WNT7A: variants seen among roughly 807,000 people sequenced by gnomAD.
WNT7A encodes the protein Wnt family member 7A.
A neutral mutation model predicts 28.2 loss-of-function variants in WNT7A; 16 were observed. The observed-to-expected ratio is 0.57, with a 90% CI of 0.38 to 0.86. The LOEUF (loss-of-function observed/expected upper bound fraction) is 0.86. Among genes scored for constraint, WNT7A ranks in the 40% least tolerant of loss-of-function variants. WNT7A has a pLI of 0.00. For synonymous variants in WNT7A, 190 were observed against 195.9 expected, an observed-to-expected ratio of 0.97 and a Z score of 0.25; for missense variants, 411 against 489.7, an observed-to-expected ratio of 0.84 and a Z score of 1.52.
At chr3:13,848,480 A>G (rs952322593) in intron 3 of WNT7A, among the ~76,000 whole-genome samples, 2 of 152,246 alleles carry the variant, frequency 1.3e-5, no homozygotes, top group African/African-American at 2.4e-5. Context: ...ATGAAAATAT[A>G]TTCAACATCA....
chr3:13,844,453 GGAGGCCCT>G (rs1268530581), intron 3 of WNT7A, among the ~76,000 whole-genome samples: 3 of 152,200 alleles, frequency 2.0e-5, no homozygotes, highest in African/African-American at 7.2e-5. Context: ...CATGGCCTGG[GGAGGCCCT>G]GAGACCCTGA....
intron 2 of WNT7A, among the ~76,000 whole-genome samples, chr3:13,868,786 AAGG>A (rs1694970823): frequency 6.0e-5 from 1 of 16,772 alleles, no homozygotes; most frequent in Non-Finnish European, 1.4e-4. Flanking sequence ...GGGAGGAAGG[AAGG>A]AAGGGAGAGA....
rs1023083409 is a variant in WNT7A, at chr3:13,875,389, A to G, written c.72-216T>C. ...CAATGCGTATACCCAATATCAGTGAAACATACACACACTTGATTTTTGTTT... is the reference window on the plus strand; with the variant it reads ...CAATGCGTATACCCAATATCAGTGAGACATACACACACTTGATTTTTGTTT... On this transcript the variant is annotated intron_variant, in intron 1 of 3. Transcript: ENST00000285018. Among the ~76,000 whole-genome samples, 8 of 152,230 alleles carry G rather than the reference A, an allele frequency of 5.3e-5. No individual in the cohort carries two copies. In the East Asian group the frequency reaches 1.5e-3, roughly 29 times the overall value.
At chr3:13,834,464 C>T (rs1694334249) in intron 3 of WNT7A, among the ~76,000 whole-genome samples, 4 of 151,916 alleles carry the variant, frequency 2.6e-5, no homozygotes, top group Admixed American at 2.6e-4. Flanking sequence ...GTCGGGTGTA[C>T]GGGGCTCCTT....
chr3:13,832,459 C>T (rs887089941), intron 3 of WNT7A, among the ~76,000 whole-genome samples: 2 of 149,952 alleles, frequency 1.3e-5, no homozygotes, highest in Non-Finnish European at 3.0e-5. Flanking sequence ...TCTTCCCAAG[C>T]TTCTCCTGCT....
chr3:13,871,584 A>T (rs1189670417), intron 2 of WNT7A, among the ~76,000 whole-genome samples: 1 of 150,668 alleles, frequency 6.6e-6, no homozygotes. Context: ...CCTCCTTCCT[A>T]GCTGGCCCTT....
chr3:13,878,053 C>T (rs1695135801), intron 1 of WNT7A, among the ~76,000 whole-genome samples: 1 of 152,198 alleles, frequency 6.6e-6, no homozygotes, highest in Non-Finnish European at 1.5e-5. Flanking sequence ...ACTCCCACCT[C>T]TCCGACCTGG....
At chr3:13,833,239 A>G in intron 3 of WNT7A, among the ~76,000 whole-genome samples, 1 of 152,080 alleles carries the variant, frequency 6.6e-6, no homozygotes, top group East Asian at 1.9e-4. Context: ...GCACACTCAC[A>G]CACTCCCTCA....
At chr3:13,823,162 G>A (rs1694139596) in intron 3 of WNT7A, among the ~76,000 whole-genome samples, 1 of 152,224 alleles carries the variant, frequency 6.6e-6, no homozygotes, top group South Asian at 2.1e-4. Flanking sequence ...GACAATAGCA[G>A]AGGAAGTGTG....
intron 2 of WNT7A, among the ~76,000 whole-genome samples, chr3:13,864,076 G>T (rs900030557): frequency 6.6e-6 from 1 of 152,140 alleles, no homozygotes; most frequent in African/African-American, 2.4e-5. Context: ...ATTCCGGCAG[G>T]GGGGTACCAA....
At chr3:13,831,577 C>T (rs554034600) in intron 3 of WNT7A, among the ~76,000 whole-genome samples, 7 of 152,288 alleles carry the variant, frequency 4.6e-5, no homozygotes, top group African/African-American at 1.7e-4. Context: ...GGACCAGACA[C>T]TCCCTCTGCA....
At chr3:13,858,719 G>C (rs577621202) in intron 2 of WNT7A, among the ~76,000 whole-genome samples, 9 of 152,240 alleles carry the variant, frequency 5.9e-5, no homozygotes, top group Non-Finnish European at 1.0e-4. Flanking sequence ...ACACCGATGA[G>C]GGCCAGTCAT....
chr3:13,855,268 G>A (rs2124859830), intron 2 of WNT7A, among the ~76,000 whole-genome samples: 1 of 152,332 alleles, frequency 6.6e-6, no homozygotes, highest in Admixed American at 6.5e-5. Flanking sequence ...ATCAATCCCT[G>A]GATCTGTGAC....
intron 3 of WNT7A, among the ~76,000 whole-genome samples, chr3:13,824,365 C>T (rs1007762550): frequency 5.9e-5 from 9 of 152,316 alleles, no homozygotes; most frequent in Middle Eastern, 3.4e-3. Flanking sequence ...TGGCATTTTG[C>T]GTCTCTAGCT....
intron 3 of WNT7A, among the ~76,000 whole-genome samples, chr3:13,848,537 T>C (rs780525230): frequency 5.3e-5 from 8 of 152,180 alleles, no homozygotes; most frequent in Non-Finnish European, 1.2e-4. Flanking sequence ...AGGTATAACA[T>C]ACATCTATCA....
At chr3:13,826,589 T>C (rs1694199948) in intron 3 of WNT7A, among the ~76,000 whole-genome samples, 1 of 152,020 alleles carries the variant, frequency 6.6e-6, no homozygotes, top group South Asian at 2.1e-4. Flanking sequence ...GAGGGGAATC[T>C]GGGGAGTAAA....
chr3:13,878,569 G>C (rs993976802), intron 1 of WNT7A, among the ~76,000 whole-genome samples: 1 of 152,166 alleles, frequency 6.6e-6, no homozygotes, highest in African/African-American at 2.4e-5. Flanking sequence ...ACCTGCTAGC[G>C]GCCGCGGCCG....
intron 2 of WNT7A, among the ~76,000 whole-genome samples, chr3:13,857,099 G>T (rs1393741742): frequency 6.6e-6 from 1 of 152,134 alleles, no homozygotes; most frequent in African/African-American, 2.4e-5. Flanking sequence ...GAACAGGCTC[G>T]ATTTCTGGTC....
intron 3 of WNT7A, among the ~76,000 whole-genome samples, chr3:13,839,758 A>C (rs1381854913): frequency 2.0e-5 from 3 of 152,182 alleles, no homozygotes; most frequent in Non-Finnish European, 4.4e-5. Flanking sequence ...AATGGCACTA[A>C]ATATAGAAAT....
Sources: allele counts gnomAD v4.1 joint callset (sites outside exome capture counted in the v4.1 genomes callset), GRCh38; gene constraint gnomAD v4.1.1; transcripts MANE v1.5; gene names NCBI Gene and HGNC (gene_info 2026-07-23, HGNC 2026-07-21).